Variants in ARMH3 observed in about 807,000 individuals in gnomAD.
ARMH3 encodes armadillo like helical domain containing 3.
A neutral mutation model predicts 99.1 loss-of-function variants in ARMH3; 60 were observed. The ratio of observed to expected loss-of-function variants is 0.61; its 90% CI spans 0.49 to 0.75. The LOEUF (loss-of-function observed/expected upper bound fraction) is 0.75, where lower values mean the gene tolerates loss of function less well. Ranked by LOEUF, ARMH3 falls within the 30% of genes least tolerant of loss-of-function variation. ARMH3 has a pLI of 0.00. For synonymous variants in ARMH3, 285 were observed against 292.8 expected, an observed-to-expected ratio of 0.97 and a Z score of 0.27; for missense variants, 679 against 843.1, an observed-to-expected ratio of 0.81 and a Z score of 2.41.
chr10:101,878,497 G>C (rs997648462), intron 24 of ARMH3, among the ~76,000 whole-genome samples: 1 of 151,588 alleles, frequency 6.6e-6, no homozygotes, highest in Non-Finnish European at 1.5e-5. Context: ...AAAATAGCCA[G>C]ACATGGTAGC....
intron 20 of ARMH3, among the ~76,000 whole-genome samples, chr10:101,959,906 A>G (rs1445552276): frequency 2.6e-5 from 4 of 152,306 alleles, no homozygotes; most frequent in Admixed American, 1.3e-4. Flanking sequence ...GGCTGGGCGC[A>G]GTGGCTCACG....
chr10:101,937,570 T>C (rs1347654059), intron 23 of ARMH3, among the ~76,000 whole-genome samples: 1 of 151,882 alleles, frequency 6.6e-6, no homozygotes, highest in Non-Finnish European at 1.5e-5. Flanking sequence ...ATTCTCAGCT[T>C]TGCCAAGGAA....
chr10:101,867,473 C>G (rs2067030109), intron 24 of ARMH3, among the ~76,000 whole-genome samples: 1 of 151,996 alleles, frequency 6.6e-6, no homozygotes, highest in Non-Finnish European at 1.5e-5. Flanking sequence ...GGGAGAAAAC[C>G]CAATTGGAGA....
intron 15 of ARMH3, among the ~76,000 whole-genome samples, chr10:101,998,064 T>C (rs946142346): frequency 1.3e-5 from 2 of 152,202 alleles, no homozygotes; most frequent in Non-Finnish European, 1.5e-5. Flanking sequence ...AGACCACTCA[T>C]TCTACAATTA....
At chr10:101,940,689 A>G (rs1282910406) in intron 22 of ARMH3, among the ~76,000 whole-genome samples, 1 of 152,160 alleles carries the variant, frequency 6.6e-6, no homozygotes, top group African/African-American at 2.4e-5. Flanking sequence ...CCTATGAGTG[A>G]GAACAGATTA....
At chr10:102,055,730 C>G (rs976294174) in intron 1 of ARMH3, among the ~76,000 whole-genome samples, 4 of 152,212 alleles carry the variant, frequency 2.6e-5, no homozygotes, top group African/African-American at 7.2e-5. Context: ...CCAAGAACAG[C>G]AGGAGAGGAA....
chr10:101,849,961 T>C, intron 24 of ARMH3, 69 bp from the exon 25 acceptor site: 1 of 1,410,648 alleles, frequency 7.1e-7, no homozygotes, highest in Non-Finnish European at 1.0e-6. Flanking sequence ...CCCATTCTGC[T>C]GATCTACTGG....
chr10:102,008,766 C>T (rs894184086), intron 13 of ARMH3, among the ~76,000 whole-genome samples: 1 of 151,522 alleles, frequency 6.6e-6, no homozygotes, highest in African/African-American at 2.4e-5. Flanking sequence ...AGGGTTTCAC[C>T]GTGTTAGCCA....
In ARMH3 at chr10:101,993,372, C is replaced by A. The variant is rs141218328; in HGVS notation, c.1275+166G>T. ...GATTAAGAAACAGCTCCATGACACA[C>A]AAAAATCCCAACAACAAGCATGGGT... On this transcript the variant is annotated intron_variant, in intron 17 of 25. Coordinates refer to ENST00000370033, the MANE Select transcript of ARMH3 (RefSeq NM_024541.3). 2.6e-5 allele frequency among the ~76,000 whole-genome samples: 4 copies of A among 151,830 alleles called. No homozygotes were observed. The East Asian group carries it at 7.8e-4, about 29-fold the overall frequency.
intron 1 of ARMH3, among the ~76,000 whole-genome samples, chr10:102,052,488 TGCTGGGATTACAG>T (rs1013622590): frequency 1.3e-5 from 2 of 152,162 alleles, no homozygotes; most frequent in Admixed American, 6.5e-5. Flanking sequence ...CCTCCCAAAG[TGCTGGGATTACAG>T]GCATGAGACA....
At chr10:101,909,683 C>T (rs912062673) in intron 23 of ARMH3, among the ~76,000 whole-genome samples, 3 of 152,026 alleles carry the variant, frequency 2.0e-5, no homozygotes, top group South Asian at 2.1e-4. Flanking sequence ...TGGTCTCGAA[C>T]TCCTGGGCTC....
At chr10:102,028,321 G>A (rs905131527) in intron 5 of ARMH3, among the ~76,000 whole-genome samples, 3 of 152,110 alleles carry the variant, frequency 2.0e-5, no homozygotes, top group African/African-American at 7.2e-5. Context: ...GGCTGAGGCA[G>A]GAGGATCACC....
At chr10:101,857,319 G>A (rs1276143852) in intron 24 of ARMH3, among the ~76,000 whole-genome samples, 1 of 152,096 alleles carries the variant, frequency 6.6e-6, no homozygotes, top group African/African-American at 2.4e-5. Context: ...TTTGCCGGGA[G>A]TGGTGGCATG....
chr10:102,027,356 G>A (rs1490990166), intron 5 of ARMH3, among the ~76,000 whole-genome samples: 2 of 151,914 alleles, frequency 1.3e-5, no homozygotes, highest in African/African-American at 2.4e-5. Context: ...TAGAGATGGT[G>A]GTAACAGAAG....
chr10:101,900,995 G>A (rs1168733739), intron 23 of ARMH3, among the ~76,000 whole-genome samples: 1 of 151,766 alleles, frequency 6.6e-6, no homozygotes, highest in Non-Finnish European at 1.5e-5. Context: ...AAAAATAAAG[G>A]GAAATTATTT....
At chr10:101,910,377 A>T (rs992247611) in intron 23 of ARMH3, among the ~76,000 whole-genome samples, 3 of 152,168 alleles carry the variant, frequency 2.0e-5, no homozygotes, top group Non-Finnish European at 4.4e-5. Context: ...GATTATTTAG[A>T]TTGTGTTATT....
chr10:101,892,214 G>A (rs2067710071), intron 23 of ARMH3, among the ~76,000 whole-genome samples: 1 of 152,166 alleles, frequency 6.6e-6, no homozygotes, highest in Admixed American at 6.6e-5. Context: ...GGAGGCTAAG[G>A]TGGGCGGATT....
chr10:101,940,001 T>TCTTCA lies in ARMH3; in HGVS notation c.1706-64_1706-63insTGAAG, dbSNP rs1282688869. The TCTTCA allele has an allele frequency of 1.7e-4, 235 of 1,362,666 alleles. 1 individual carries two copies. In the South Asian group the frequency reaches 2.5e-3, roughly 14 times the overall value. The allele number at this position is 1,362,666 out of a possible 1,614,324, so 84.4% of individuals were successfully genotyped here. On this transcript the variant is annotated intron_variant, in intron 22 of 25. Coordinates refer to ENST00000370033, the MANE Select transcript of ARMH3 (RefSeq NM_024541.3). ...CGGCATAAAACACAAACATGAGGAA[T>TCTTCA]GAAGACACATCTCAGAATAGCACTC...
At chr10:102,028,871 T>G (rs1290933078) in intron 5 of ARMH3, among the ~76,000 whole-genome samples, 2 of 152,176 alleles carry the variant, frequency 1.3e-5, no homozygotes, top group African/African-American at 2.4e-5. Flanking sequence ...TTGTACACTT[T>G]ATTTATTTTC....
Sources: allele counts gnomAD v4.1 joint callset (sites outside exome capture counted in the v4.1 genomes callset), GRCh38; gene constraint gnomAD v4.1.1; transcripts MANE v1.5; gene names NCBI Gene and HGNC (gene_info 2026-07-23, HGNC 2026-07-21).